Variants in MPP7 observed in about 807,000 individuals in gnomAD.
The protein encoded by MPP7 is MAGUK p55 subfamily member 7.
MPP7 carries 60 observed loss-of-function variants against 76.5 expected under a neutral mutation model. That is an observed-to-expected ratio of 0.78 (90% CI 0.64 to 0.97). MPP7 has a LOEUF of 0.97. Among genes scored for constraint, MPP7 ranks in the 50% least tolerant of loss-of-function variants. The pLI is 0.00. For missense variants in MPP7, 641 were observed against 694.0 expected (o/e 0.92, Z 0.86); for synonymous variants, 237 against 244.5 (o/e 0.97, Z 0.29).
chr10:28,325,292 A>G (rs185503958), intron 2 of MPP7, among the ~76,000 whole-genome samples: 23 of 152,260 alleles, frequency 1.5e-4, no homozygotes, highest in African/African-American at 5.3e-4. Flanking sequence ...TAGTATTGTA[A>G]TAAGTAGTAG....
rs199841313 is a variant in MPP7 at position 28,190,818 on chromosome 10, C to CA, written c.156+11334dup. On this transcript the variant is annotated intron_variant, in intron 3 of 16. Transcript: ENST00000683449. The stretch of plus-strand genomic sequence containing the variant: ...AGAGCAAAAATTAATGAAACTGGAA[C>CA]AAAAAAAAACAGAGAAAAATCAACA... 9.7e-4 allele frequency among the ~76,000 whole-genome samples: 142 copies of CA among 146,704 alleles called. 1 individual carries two copies. In the East Asian group the frequency reaches 0.018, roughly 19 times the overall value.
intron 6 of MPP7, among the ~76,000 whole-genome samples, chr10:28,130,323 G>A (rs1430292880): frequency 1.3e-5 from 2 of 152,098 alleles, no homozygotes; most frequent in Non-Finnish European, 2.9e-5. Flanking sequence ...AGGCTGAGAT[G>A]GTGAGTGGTT....
intron 2 of MPP7, among the ~76,000 whole-genome samples, chr10:28,209,223 CAG>C (rs1254406027): frequency 6.6e-6 from 1 of 152,128 alleles, no homozygotes; most frequent in Non-Finnish European, 1.5e-5. Context: ...CGACCCAACA[CAG>C]AGGCCGAGGC....
chr10:28,075,071 A>G (rs957804087), intron 12 of MPP7, among the ~76,000 whole-genome samples: 2 of 151,894 alleles, frequency 1.3e-5, no homozygotes, highest in African/African-American at 2.4e-5. Context: ...GTGAAGGGGG[A>G]GTGAGGTGTC....
At chr10:28,179,137 C>T (rs1052534840) in intron 3 of MPP7, among the ~76,000 whole-genome samples, 2 of 152,152 alleles carry the variant, frequency 1.3e-5, no homozygotes, top group African/African-American at 4.8e-5. Flanking sequence ...CTCCTTGCAA[C>T]CCCACACTAA....
At chr10:28,131,435 A>T in intron 6 of MPP7, 125 bp downstream of exon 6, 9 of 811,986 alleles carry the variant, frequency 1.1e-5, no homozygotes, top group Non-Finnish European at 1.2e-5. Flanking sequence ...TTTAGACATC[A>T]ATGTTCCATT....
chr10:28,089,972 T>C, intron 11 of MPP7, 131 bp from the exon 12 acceptor site: 2 of 590,030 alleles, frequency 3.4e-6, no homozygotes, highest in South Asian at 5.0e-5. Flanking sequence ...AAAACCCTAA[T>C]GTTTTAGAGA....
intron 11 of MPP7, among the ~76,000 whole-genome samples, chr10:28,104,950 C>T (rs1439855882): frequency 6.6e-6 from 1 of 151,968 alleles, no homozygotes; most frequent in Admixed American, 6.6e-5. Flanking sequence ...GGTCACATTT[C>T]TCCCTTTGCC....
intron 2 of MPP7, among the ~76,000 whole-genome samples, chr10:28,318,423 C>G (rs1052862086): frequency 6.6e-6 from 1 of 152,194 alleles, no homozygotes; most frequent in Non-Finnish European, 1.5e-5. Flanking sequence ...TGGTGGCTGA[C>G]TCCTGTAATC....
At chr10:28,154,223 G>A (rs997811300) in intron 3 of MPP7, among the ~76,000 whole-genome samples, 3 of 152,146 alleles carry the variant, frequency 2.0e-5, no homozygotes, top group Non-Finnish European at 4.4e-5. Context: ...ATCCCAGGAA[G>A]AGCCAGACCA....
intron 3 of MPP7, among the ~76,000 whole-genome samples, chr10:28,177,260 CAAAAAAAAAAAAA>C (rs57984876): frequency 1.9e-5 from 2 of 104,182 alleles, no homozygotes; most frequent in Admixed American, 2.2e-4. Flanking sequence ...ACTAAAAATG[CAAAAAAAAAAAAA>C]AAAAAAAAAA....
chr10:28,278,752 A>C (rs773042207), intron 1 of MPP7, among the ~76,000 whole-genome samples: 2 of 151,988 alleles, frequency 1.3e-5, no homozygotes, highest in African/African-American at 4.8e-5. Flanking sequence ...AAGAGAGGGA[A>C]ATAAAACTGG....
At chr10:28,187,070 G>A (rs767844174) in intron 3 of MPP7, among the ~76,000 whole-genome samples, 5 of 152,122 alleles carry the variant, frequency 3.3e-5, no homozygotes, top group East Asian at 3.9e-4. Context: ...TTCCTATTAC[G>A]AAATTATGAA....
chr10:28,227,093 G>C (rs947207401), intron 2 of MPP7, among the ~76,000 whole-genome samples: 116 of 152,142 alleles, frequency 7.6e-4, no homozygotes, highest in Non-Finnish European at 1.4e-3. Flanking sequence ...CATAATACCT[G>C]AAGAGGACTT....
At chr10:28,118,704 G>C (rs1468459732) in intron 11 of MPP7, 1 of 985,290 alleles carries the variant, frequency 1.0e-6, no homozygotes, top group Non-Finnish European at 1.2e-6. Flanking sequence ...GCAGGCTTTT[G>C]AATGAGTGCT....
intron 3 of MPP7, among the ~76,000 whole-genome samples, chr10:28,197,975 T>C (rs1837643657): frequency 6.6e-6 from 1 of 152,242 alleles, no homozygotes; most frequent in Non-Finnish European, 1.5e-5. Context: ...TGAGTATTTA[T>C]CATTACTTGT....
intron 3 of MPP7, among the ~76,000 whole-genome samples, chr10:28,177,396 A>C (rs1836910140): frequency 2.6e-5 from 4 of 151,530 alleles, no homozygotes; most frequent in Admixed American, 2.6e-4. Flanking sequence ...CAACGCAGTG[A>C]GACTCCATTT....
At chr10:28,318,003 A>G (rs908474307) in intron 2 of MPP7, among the ~76,000 whole-genome samples, 1 of 152,242 alleles carries the variant, frequency 6.6e-6, no homozygotes, top group African/African-American at 2.4e-5. Flanking sequence ...AAGCTGCACA[A>G]CCATATGCTG....
intron 3 of MPP7, among the ~76,000 whole-genome samples, chr10:28,172,670 TGAGCTATAGAAATTACACC>T (rs947367461): frequency 1.3e-5 from 2 of 152,216 alleles, no homozygotes; most frequent in African/African-American, 4.8e-5. Flanking sequence ...AAAGACTTTC[TGAGCTATAGAAATTACACC>T]GAGCTATAGA....
Sources: gnomAD v4.1 joint callset for allele counts (sites outside exome capture counted in the v4.1 genomes callset) on GRCh38, gnomAD v4.1.1 for gene constraint, MANE v1.5 for transcripts, NCBI Gene and HGNC (gene_info 2026-07-23, HGNC 2026-07-21) for gene names.